FAM20A: variants seen among roughly 807,000 people sequenced by gnomAD.
The protein encoded by FAM20A is FAM20A golgi associated secretory pathway pseudokinase.
In FAM20A, 42 loss-of-function variants were observed where a neutral mutation model predicts 52.0. That is an observed-to-expected ratio of 0.81 (90% confidence interval 0.63 to 1.04). FAM20A has a LOEUF of 1.04. Ranked by LOEUF, FAM20A falls within the 50% of genes least tolerant of loss-of-function variation. The pLI is 0.00. For missense variants in FAM20A, 742 were observed against 712.7 expected (o/e 1.04, Z -0.47); for synonymous variants, 304 against 298.9 (o/e 1.02, Z -0.18).
chr17:68,537,587 G>C lies in FAM20A; in HGVS notation c.1516C>G (p.Leu506Val). ...ACTATGCACCCCTCCACTGTCCTTA[G>C]GATGGTTTGGAGCCTTCGATCCAGG... ...LALDRRLQTI[L>V]RTVEGCIVAH... The change falls in exon 11 of 11, where the codon CTA becomes GTA. Residue 506 changes from leucine to valine, a missense_variant. Coordinates refer to ENST00000592554, the MANE Select transcript of FAM20A (RefSeq NM_017565.4). The surrounding 1 kb of genome is among the most constrained non-coding windows in gnomAD (Gnocchi z 4.2). 6.2e-7 allele frequency: 1 copy of C among 1,613,648 alleles called. No homozygotes were observed. The highest frequency in any genetic ancestry group is 8.5e-7 in the Non-Finnish European group (1 of 1,179,684).
chr17:68,576,479 A>G (rs1266338055), intron 1 of FAM20A, among the ~76,000 whole-genome samples: 2 of 152,176 alleles, frequency 1.3e-5, no homozygotes, highest in Non-Finnish European at 1.5e-5. Flanking sequence ...ATCATGGTCC[A>G]TCTGGCACCT....
intron 4 of FAM20A, among the ~76,000 whole-genome samples, chr17:68,545,092 G>A (rs1279496474): frequency 2.0e-5 from 3 of 152,028 alleles, no homozygotes; most frequent in African/African-American, 2.4e-5. Flanking sequence ...AATGGTGTTC[G>A]CCTTAAATTA....
At chr17:68,550,957 C>A (rs2086808360) in intron 4 of FAM20A, 2 of 764,072 alleles carry the variant, frequency 2.6e-6, no homozygotes, top group Non-Finnish European at 3.6e-6. Context: ...CTCAATGGGC[C>A]TCCCCTTGAA....
intron 1 of FAM20A, among the ~76,000 whole-genome samples, chr17:68,574,077 T>G (rs979079678): frequency 5.3e-5 from 8 of 152,092 alleles, no homozygotes; most frequent in Non-Finnish European, 1.2e-4. Flanking sequence ...TAGAGTTCTT[T>G]TTTTTGAGAC....
intron 4 of FAM20A, among the ~76,000 whole-genome samples, chr17:68,549,427 G>A (rs1365715737): frequency 1.3e-5 from 2 of 151,752 alleles, no homozygotes; most frequent in Non-Finnish European, 2.9e-5. Context: ...CTGGGAGGCC[G>A]AGGTTGCAGT....
rs1261763971 is a variant in FAM20A, at chr17:68,536,168, C to T, written c.*1309G>A. 1.1e-5 allele frequency: 5 copies of T among 454,004 alleles called. No individual in the cohort carries two copies. Among genetic ancestry groups the T allele is most frequent in the Admixed American group, 2.3e-5 (1 of 42,568 alleles). 28.1% of individuals were successfully genotyped at this position (454,004 alleles called of 1,614,324 possible). ...TTGTCCAGTCGAGGCTATCTTTGCTCACACTGCAGAAAGCTTGGAGACATT... is the reference window on the plus strand; with the variant it reads ...TTGTCCAGTCGAGGCTATCTTTGCTTACACTGCAGAAAGCTTGGAGACATT... On this transcript the variant is annotated 3_prime_UTR_variant, in exon 11 of 11. Transcript: ENST00000592554.
At position 68,600,569 on chromosome 17, in the gene FAM20A, C is replaced by A. The variant is rs1282308438; in HGVS notation, c.98G>T (p.Arg33Leu). Reference protein sequence around the residue: ...LYFHLWPQVQRQLRPRERPRG... With the variant: ...LYFHLWPQVQLQLRPRERPRG... ...CGGGCGCTCCCGAGGCCGCAGCTGG[C>A]GCTGTACTTGGGGCCAGAGGTGGAA... Residue 33 changes from arginine to leucine, a missense_variant, in exon 1 of 11, where the codon CGC becomes CTC. Coordinates refer to ENST00000592554, the MANE Select transcript of FAM20A (RefSeq NM_017565.4). This position sits in a 1 kb window ranked among gnomAD's most constrained non-coding sequence, Gnocchi z 6.2. The A allele has an allele frequency of 2.6e-6, 4 of 1,558,036 alleles. No homozygotes were observed. The highest frequency in any genetic ancestry group is 2.6e-6 in the Non-Finnish European group (3 of 1,152,182).
chr17:68,553,729 C>T (rs192982255), intron 3 of FAM20A, among the ~76,000 whole-genome samples: 3 of 151,304 alleles, frequency 2.0e-5, no homozygotes, highest in African/African-American at 4.9e-5. Context: ...CCCAGTGATT[C>T]TAATACATAT....
At position 68,600,386 on chromosome 17, in the gene FAM20A, G is replaced by T. The variant is rs756555547; in HGVS notation, c.281C>A (p.Ala94Asp). The change falls in exon 1 of 11, where the codon GCC (alanine) becomes GAC (aspartate). Residue 94 changes from alanine to aspartate, a missense_variant. Physicochemically the swap from Ala to Asp is moderately radical, Grantham distance 126. Transcript: ENST00000592554. This position sits in a 1 kb window ranked among gnomAD's most constrained non-coding sequence, Gnocchi z 6.2. ...SHSGSSSKLQ[A>D]LFAHPLYNVP... ...GTTGTACAGCGGGTGGGCGAAGAGG[G>T]CCTGCAACTTGGAGCTCGACCCGCT... is the stretch of plus-strand genomic sequence containing the variant. The T allele has an allele frequency of 2.5e-6, 4 of 1,608,176 alleles. No homozygotes were observed. The South Asian group carries it at 4.4e-5, about 18-fold the overall frequency.
At chr17:68,565,849 G>A (rs1422996749) in intron 1 of FAM20A, among the ~76,000 whole-genome samples, 1 of 152,076 alleles carries the variant, frequency 6.6e-6, no homozygotes, top group Non-Finnish European at 1.5e-5. Context: ...ACTGTCCAGG[G>A]CACAGCTGCA....
chr17:68,541,899 C>T, intron 7 of FAM20A, 86 bp downstream of exon 7: 1 of 1,491,962 alleles, frequency 6.7e-7, no homozygotes, highest in Non-Finnish European at 9.1e-7. Context: ...TTTTCAGATT[C>T]AAAAGCCAAG....
At chr17:68,575,547 A>C (rs1380082997) in intron 1 of FAM20A, among the ~76,000 whole-genome samples, 4 of 109,216 alleles carry the variant, frequency 3.7e-5, no homozygotes, top group African/African-American at 7.2e-5. Flanking sequence ...TTTATATATT[A>C]TATAATATAT....
chr17:68,577,485 A>G (rs1291450460), intron 1 of FAM20A, among the ~76,000 whole-genome samples: 1 of 152,222 alleles, frequency 6.6e-6, no homozygotes, highest in East Asian at 1.9e-4. Flanking sequence ...GTTTGGAGAC[A>G]TATTTGGTTG....
At position 68,576,925 on chromosome 17, in the gene FAM20A, A is replaced by T. The variant is rs558990097; in HGVS notation, c.405-21182T>A. Reference sequence around the variant, plus strand: ...AGCTGGGACTCTGTCTATAGTAAAAAGTCTGCTTATCTACCCTCACAACAA... The same window carrying T: ...AGCTGGGACTCTGTCTATAGTAAAATGTCTGCTTATCTACCCTCACAACAA... On this transcript the variant is annotated intron_variant, in intron 1 of 10. Coordinates refer to ENST00000592554, the MANE Select transcript of FAM20A (RefSeq NM_017565.4). 1.4e-3 allele frequency among the ~76,000 whole-genome samples: 208 copies of T among 152,250 alleles called. 1 individual carries two copies. Among genetic ancestry groups the T allele is most frequent in the Non-Finnish European group, 1.9e-3 (126 of 68,014 alleles).
At chr17:68,557,840 A>G (rs1383047141) in intron 1 of FAM20A, among the ~76,000 whole-genome samples, 1 of 152,158 alleles carries the variant, frequency 6.6e-6, no homozygotes, top group East Asian at 1.9e-4. Flanking sequence ...CATGTCACGT[A>G]TCTCTAAGAA....
intron 1 of FAM20A, among the ~76,000 whole-genome samples, chr17:68,591,164 T>G (rs2088295230): frequency 6.6e-6 from 1 of 152,188 alleles, no homozygotes; most frequent in South Asian, 2.1e-4. Context: ...TGGAGTGCAG[T>G]GGCGCGATCT....
chr17:68,571,600 C>G (rs1191025826), intron 1 of FAM20A, among the ~76,000 whole-genome samples: 5 of 152,296 alleles, frequency 3.3e-5, no homozygotes, highest in Admixed American at 6.5e-5. Context: ...TTAAATCTTG[C>G]ATCTGTTTGA....
At chr17:68,557,324 A>T (rs2143722228) in intron 1 of FAM20A, among the ~76,000 whole-genome samples, 1 of 152,280 alleles carries the variant, frequency 6.6e-6, no homozygotes, top group East Asian at 1.9e-4. Context: ...CTGAATGTTT[A>T]TGTTTCCTTC....
At chr17:68,541,107 G>T in intron 7 of FAM20A, 149 bp from the exon 8 acceptor site, 1 of 1,169,466 alleles carries the variant, frequency 8.6e-7, no homozygotes, top group Non-Finnish European at 1.2e-6. Flanking sequence ...AAGGCCCTGG[G>T]CAAGGACGCG....
Sources: gnomAD v4.1 joint callset for allele counts (sites outside exome capture counted in the v4.1 genomes callset) on GRCh38, gnomAD v4.1.1 for gene constraint, Gnocchi (gnomAD v3.1) non-coding constraint, MANE v1.5 for transcripts, NCBI Gene and HGNC (gene_info 2026-07-23, HGNC 2026-07-21) for gene names.